The following TRANK1 variants were observed in gnomAD, a reference collection of about 807,000 sequenced individuals.
TRANK1 encodes the protein TPR and ankyrin repeat-containing protein 1.
In TRANK1, 198 loss-of-function variants were observed where a neutral mutation model predicts 266.0. The ratio of observed to expected loss-of-function variants is 0.74; its 90% CI spans 0.66 to 0.84. The LOEUF (loss-of-function observed/expected upper bound fraction) is 0.84, where lower values mean the gene tolerates loss of function less well. Among genes scored for constraint, TRANK1 ranks in the 40% least tolerant of loss-of-function variants. The pLI, the probability that TRANK1 is intolerant of heterozygous loss-of-function variation, is 0.00. For synonymous variants in TRANK1, 1,396 were observed against 1,384.1 expected (o/e 1.01, Z -0.19); for missense variants, 3,326 against 3,634.6 (o/e 0.92, Z 2.18).
At chr3:36,847,497 G>T (rs1286044772) in intron 15 of TRANK1, among the ~76,000 whole-genome samples, 151 bp from the exon 16 acceptor site, 1 of 152,134 alleles carries the variant, frequency 6.6e-6, no homozygotes, top group Non-Finnish European at 1.5e-5. Context: ...TCTTAGAATG[G>T]ATAGGAGGGA....
chr3:36,885,191 A>T (rs1182264540), intron 8 of TRANK1, among the ~76,000 whole-genome samples: 1 of 152,200 alleles, frequency 6.6e-6, no homozygotes, highest in Non-Finnish European at 1.5e-5. Flanking sequence ...AATCAAGGTT[A>T]ACAAATAATC....
chr3:36,836,079 G>C (rs944070330), intron 20 of TRANK1, among the ~76,000 whole-genome samples: 1 of 152,160 alleles, frequency 6.6e-6, no homozygotes, highest in African/African-American at 2.4e-5. Flanking sequence ...ACATCCACCA[G>C]GTTTGAAAAA....
At chr3:36,923,159 C>T (rs926814128) in intron 1 of TRANK1, among the ~76,000 whole-genome samples, 11 of 152,186 alleles carry the variant, frequency 7.2e-5, no homozygotes, top group Non-Finnish European at 1.3e-4. Flanking sequence ...TGGCAGTCAG[C>T]TCCTCTTCTG....
intron 8 of TRANK1, among the ~76,000 whole-genome samples, chr3:36,884,721 C>T (rs2079577123): frequency 6.6e-6 from 1 of 151,978 alleles, no homozygotes; most frequent in Non-Finnish European, 1.5e-5. Flanking sequence ...TCACGTGAGG[C>T]CAAGAGATTG....
rs867796027 is a variant in TRANK1, at chr3:36,847,292, T to C, written c.4942A>G (p.Arg1648Gly). 2 of 1,613,710 alleles carry C rather than the reference T, an allele frequency of 1.2e-6. No homozygotes were observed. The highest frequency in any genetic ancestry group is 1.1e-5 in the South Asian group (1 of 91,004). ...TCAACCAATGGCCGGTTTTCCTCTC[T>C]GGAGTCAGTTGAGGTAGGTGTGAAT... ...SSFTPTSTDS[R>G]EENRPLVEVP... Residue 1648 changes from arginine (R) to glycine (G), a missense_variant, in exon 16 of 24, where the codon AGA (arginine) becomes GGA (glycine). By Grantham distance (125) the Arg-to-Gly change is moderately radical. Coordinates refer to ENST00000645898, the MANE Select transcript of TRANK1 (RefSeq NM_001329998.2).
At chr3:36,828,814 TC>T (rs1198966672) in intron 23 of TRANK1, among the ~76,000 whole-genome samples, 3 of 152,166 alleles carry the variant, frequency 2.0e-5, no homozygotes, top group Non-Finnish European at 4.4e-5. Context: ...GAAATACACA[TC>T]ACAAAATCCA....
Position 36,859,032 on chromosome 3 carries a change from C to T in TRANK1, c.1496-138G>A, listed in dbSNP as rs191149103. Reference sequence around the variant, plus strand: ...ACTTCCAAGATCCTCCTACCAGCACCCATTCTGGGAGGCAAAGGCTTCTGC... The same window carrying T: ...ACTTCCAAGATCCTCCTACCAGCACTCATTCTGGGAGGCAAAGGCTTCTGC... On this transcript the variant is annotated intron_variant, in intron 11 of 23. Coordinates refer to ENST00000645898, the MANE Select transcript of TRANK1 (RefSeq NM_001329998.2). 228 of 1,113,332 alleles carry T rather than the reference C, an allele frequency of 2.0e-4. 1 individual carries two copies. The Middle Eastern group carries it at 4.0e-3, about 20-fold the overall frequency. The allele number at this position is 1,113,332 out of a possible 1,614,324, so 69.0% of individuals were successfully genotyped here.
In TRANK1 at chr3:36,832,684, A is replaced by G; in HGVS notation, c.6899T>C (p.Phe2300Ser). ...CTTCAAAGCAAATCTGTAGAACCGGAAGGATTTGTAATTTGGTTTGAGGAT... is the reference window on the plus strand; with the variant it reads ...CTTCAAAGCAAATCTGTAGAACCGGGAGGATTTGTAATTTGGTTTGAGGAT... The part of the protein sequence containing the change: ...KEILKPNYKS[F>S]RFYRFALKEY... Residue 2300 changes from phenylalanine (F) to serine (S), a missense_variant, in exon 22 of 24, where the codon TTC (phenylalanine) becomes TCC (serine). Phe to Ser is a radical substitution (Grantham distance 155). Coordinates refer to ENST00000645898, the MANE Select transcript of TRANK1 (RefSeq NM_001329998.2). 1 of 1,614,008 alleles carries G rather than the reference A, an allele frequency of 6.2e-7. No individual in the cohort carries two copies. Among genetic ancestry groups the G allele is most frequent in the South Asian group, 1.1e-5 (1 of 91,082 alleles).
chr3:36,940,425 G>A (rs1234634203), intron 1 of TRANK1, among the ~76,000 whole-genome samples: 1 of 151,880 alleles, frequency 6.6e-6, no homozygotes, highest in Non-Finnish European at 1.5e-5. Flanking sequence ...GCGTGAACCT[G>A]GGAAGCAGAG....
In TRANK1 at chr3:36,856,016, T is replaced by G; in HGVS notation, c.3706A>C (p.Arg1236=). ...ACAAACAGAGGAAAGTTCTCGTCCC[T>G]CAGGTCCTGGAGTTTGTGAATGTTG... The part of the protein sequence containing the change: ...DPNIHKLQDL[R]DENFPLFVTS... Residue 1236 remains arginine (R), a synonymous_variant, in exon 13 of 24, where the codon AGG becomes CGG. Coordinates refer to ENST00000645898, the MANE Select transcript of TRANK1 (RefSeq NM_001329998.2). 6.2e-7 allele frequency: 1 copy of G among 1,613,772 alleles called. No individual in the cohort carries two copies. Among genetic ancestry groups the G allele is most frequent in the Non-Finnish European group, 8.5e-7 (1 of 1,179,882 alleles).
chr3:36,940,608 A>G (rs974068928), intron 1 of TRANK1, among the ~76,000 whole-genome samples: 1 of 152,076 alleles, frequency 6.6e-6, no homozygotes, highest in African/African-American at 2.4e-5. Context: ...GGTACAGCTC[A>G]AAACTGACCT....
chr3:36,942,301 T>C (rs950098903), intron 1 of TRANK1, among the ~76,000 whole-genome samples: 1 of 152,022 alleles, frequency 6.6e-6, no homozygotes, highest in African/African-American at 2.4e-5. Flanking sequence ...TAACACTAAC[T>C]CGTTGGTAAT....
At position 36,832,741 on chromosome 3, in the gene TRANK1, ACT is replaced by A; in HGVS notation, c.6840_6841del (p.Arg2280SerfsTer36). 1 of 1,613,846 alleles carries A rather than the reference ACT, an allele frequency of 6.2e-7. No individual in the cohort carries two copies. The highest frequency in any genetic ancestry group is 8.5e-7 in the Non-Finnish European group (1 of 1,179,880). On this transcript the variant is annotated frameshift_variant, in exon 22 of 24. Coordinates refer to ENST00000645898, the MANE Select transcript of TRANK1 (RefSeq NM_001329998.2). LOFTEE classifies it high-confidence loss of function. Reference sequence around the variant, plus strand: ...GCATGCCATGGGGTTTTCTGACAACACTCTCTGATGGAAATGCTTAGGGAAAA... The same window carrying A: ...GCATGCCATGGGGTTTTCTGACAACACTCTGATGGAAATGCTTAGGGAAAA...
At position 36,909,646 on chromosome 3, in the gene TRANK1, A is replaced by G. The variant is rs114197406; in HGVS notation, c.24-1192T>C. On this transcript the variant is annotated intron_variant, in intron 1 of 23. Coordinates refer to ENST00000645898, the MANE Select transcript of TRANK1 (RefSeq NM_001329998.2). ...CCAACACAATTCTTGGAGAGACAGT[A>G]ATTATTAATTTTATCATTTTAAATC... 5.9e-3 allele frequency among the ~76,000 whole-genome samples: 898 copies of G among 152,302 alleles called. 8 individuals are homozygous for G. The highest frequency in any genetic ancestry group is 0.02 in the African/African-American group (827 of 41,564).
At position 36,895,768 on chromosome 3, in the gene TRANK1, A is replaced by G. The variant is rs1205268598; in HGVS notation, c.434-10T>C. The G allele has an allele frequency of 6.6e-7, 1 of 1,512,944 alleles. No homozygotes were observed. The highest frequency in any genetic ancestry group is 8.8e-7 in the Non-Finnish European group (1 of 1,133,308). 93.7% of individuals were successfully genotyped at this position (1,512,944 alleles called of 1,614,324 possible). ...AAAACAATGGAGTCACCTAAAAGAA[A>G]GTTTCATAATTTAGGGATTTTAATG... On this transcript the variant is annotated splice_polypyrimidine_tract_variant and intron_variant, in intron 4 of 23. Coordinates refer to ENST00000645898, the MANE Select transcript of TRANK1 (RefSeq NM_001329998.2).
In TRANK1 at chr3:36,835,318, C is replaced by CAA. The variant is rs33954737; in HGVS notation, c.5518-413_5518-412dup. 3.1e-3 allele frequency among the ~76,000 whole-genome samples: 208 copies of CAA among 67,844 alleles called. 8 individuals are homozygous for CAA. Among genetic ancestry groups the CAA allele is most frequent in the African/African-American group, 3.5e-3 (63 of 18,228 alleles). The allele number at this position is 67,844 out of a possible 152,430, so 44.5% of individuals were successfully genotyped here. ...TGGGCGACAGAGCGAGACTCCGTCT[C>CAA]AAAAAAAAAAAAAAAAAAAAAAAAA... On this transcript the variant is annotated intron_variant, in intron 20 of 23. Coordinates refer to ENST00000645898, the MANE Select transcript of TRANK1 (RefSeq NM_001329998.2).
chr3:36,877,858 C>T (rs1031921787), intron 8 of TRANK1, among the ~76,000 whole-genome samples: 2 of 152,122 alleles, frequency 1.3e-5, no homozygotes, highest in African/African-American at 4.8e-5. Flanking sequence ...CATCGTTCAC[C>T]AGTATTTTAA....
Position 36,855,230 on chromosome 3 carries a change from C to T in TRANK1, c.4492G>A (p.Ala1498Thr). The T allele has an allele frequency of 6.2e-7, 1 of 1,614,042 alleles. No homozygotes were observed. The highest frequency in any genetic ancestry group is 8.5e-7 in the Non-Finnish European group (1 of 1,179,890). Residue 1498 changes from alanine (A) to threonine (T), a missense_variant, in exon 13 of 24, where the codon GCT (alanine) becomes ACT (threonine). Coordinates refer to ENST00000645898, the MANE Select transcript of TRANK1 (RefSeq NM_001329998.2). ...TGGATCTTCTTGGGCTTCCGGACAG[C>T]ACACTGCTTGTCTATGGTGTTTCTG... ...ASRNTIDKQC[A>T]VRKPKKIHQL...
At chr3:36,851,145 G>A (rs2078980022) in intron 15 of TRANK1, 2 of 985,650 alleles carry the variant, frequency 2.0e-6, no homozygotes, top group South Asian at 4.7e-5. Context: ...AGGTCACTGG[G>A]GGTCAATGTG....
Sources: allele counts gnomAD v4.1 joint callset (sites outside exome capture counted in the v4.1 genomes callset), GRCh38; gene constraint gnomAD v4.1.1; transcripts MANE v1.5; gene names NCBI Gene and HGNC (gene_info 2026-07-23, HGNC 2026-07-21).